DLGAP1: variants seen among roughly 807,000 people sequenced by gnomAD.
The protein encoded by DLGAP1 is disks large-associated protein 1.
Under a neutral mutation model 90.8 loss-of-function variants are expected in DLGAP1, and 11 were observed. The ratio of observed to expected loss-of-function variants is 0.12; its 90% CI spans 0.08 to 0.20. DLGAP1 has a LOEUF of 0.20. Among genes scored for constraint, DLGAP1 ranks in the 10% least tolerant of loss-of-function variants. The pLI is 1.00. For missense variants in DLGAP1, 1,050 were observed against 1,333.8 expected, an observed-to-expected ratio of 0.79 and a Z score of 3.31; for synonymous variants, 558 against 540.7, an observed-to-expected ratio of 1.03 and a Z score of -0.44.
intron 1 of DLGAP1, among the ~76,000 whole-genome samples, chr18:4,262,418 A>T (rs2079021041): frequency 6.6e-6 from 1 of 152,222 alleles, no homozygotes; most frequent in African/African-American, 2.4e-5. Flanking sequence ...AGGAGAAGAC[A>T]CTGAACCCTT....
At chr18:3,580,648 G>A (rs1451602958) in intron 8 of DLGAP1, 1 of 1,605,424 alleles carries the variant, frequency 6.2e-7, no homozygotes, top group East Asian at 2.2e-5. Context: ...CTGACCCAGA[G>A]GCGAGGAGAT....
At chr18:4,399,208 G>A (rs1467109397) in intron 1 of DLGAP1, among the ~76,000 whole-genome samples, 1 of 152,174 alleles carries the variant, frequency 6.6e-6, no homozygotes, top group Non-Finnish European at 1.5e-5. Context: ...ATGTCAAGTT[G>A]TTAAAAAGAA....
At chr18:4,157,134 A>T (rs1053285716) in intron 1 of DLGAP1, among the ~76,000 whole-genome samples, 3 of 152,092 alleles carry the variant, frequency 2.0e-5, no homozygotes, top group African/African-American at 7.2e-5. Flanking sequence ...CACCAAGATC[A>T]GAGGTGGGAC....
intron 3 of DLGAP1, among the ~76,000 whole-genome samples, chr18:4,000,948 T>C (rs571706700): frequency 6.6e-6 from 1 of 152,336 alleles, no homozygotes; most frequent in East Asian, 1.9e-4. Flanking sequence ...CAAGTGTATT[T>C]TTATGTCAGA....
At chr18:3,905,003 T>C (rs1235896312) in intron 3 of DLGAP1, among the ~76,000 whole-genome samples, 1 of 151,310 alleles carries the variant, frequency 6.6e-6, no homozygotes, top group African/African-American at 2.4e-5. Flanking sequence ...TATTATTATT[T>C]TAATATCTAT....
At chr18:4,057,353 A>G (rs998429737) in intron 2 of DLGAP1, among the ~76,000 whole-genome samples, 1 of 152,142 alleles carries the variant, frequency 6.6e-6, no homozygotes, top group African/African-American at 2.4e-5. Flanking sequence ...TTGTAGGAAC[A>G]CTTTATTGGT....
chr18:4,390,166 GA>G (rs5822813), intron 1 of DLGAP1, among the ~76,000 whole-genome samples: 33 of 147,238 alleles, frequency 2.2e-4, no homozygotes, highest in African/African-American at 7.0e-4. Flanking sequence ...CAAATTGTGT[GA>G]AAAAAAAAAA....
At chr18:4,176,845 A>G (rs2077116787) in intron 1 of DLGAP1, among the ~76,000 whole-genome samples, 1 of 152,210 alleles carries the variant, frequency 6.6e-6, no homozygotes, top group East Asian at 1.9e-4. Context: ...GAAGTTTATC[A>G]TGGTAAATGA....
At chr18:4,015,443 C>T (rs1030975990) in intron 2 of DLGAP1, among the ~76,000 whole-genome samples, 10 of 152,166 alleles carry the variant, frequency 6.6e-5, no homozygotes, top group Non-Finnish European at 1.5e-4. Flanking sequence ...GGTATCCTTA[C>T]TCTGGAAATT....
At chr18:3,883,365 A>T (rs2071230330) in intron 3 of DLGAP1, among the ~76,000 whole-genome samples, 1 of 152,238 alleles carries the variant, frequency 6.6e-6, no homozygotes, top group Non-Finnish European at 1.5e-5. Flanking sequence ...TGCATCTGGG[A>T]GCGCTCATGA....
At chr18:4,385,053 A>AACAAT (rs377072008) in intron 1 of DLGAP1, among the ~76,000 whole-genome samples, 18 of 152,226 alleles carry the variant, frequency 1.2e-4, no homozygotes, top group Admixed American at 1.3e-4. Context: ...CACTTTAAAA[A>AACAAT]ACAATACAAT....
intron 4 of DLGAP1, among the ~76,000 whole-genome samples, chr18:3,828,339 C>T (rs1380843850): frequency 6.6e-6 from 1 of 152,182 alleles, no homozygotes; most frequent in Non-Finnish European, 1.5e-5. Flanking sequence ...GTGTTCAAAA[C>T]ATTTTTAAAA....
intron 10 of DLGAP1, among the ~76,000 whole-genome samples, chr18:3,522,895 T>G (rs989426061): frequency 6.6e-6 from 1 of 152,094 alleles, no homozygotes; most frequent in African/African-American, 2.4e-5. Flanking sequence ...GGGAAAAGGA[T>G]AGCCTAAGTG....
At chr18:4,200,098 T>G (rs149158638) in intron 1 of DLGAP1, among the ~76,000 whole-genome samples, 1 of 152,296 alleles carries the variant, frequency 6.6e-6, no homozygotes, top group African/African-American at 2.4e-5. Context: ...ACAATTGGAT[T>G]CCAAGTATTT....
At chr18:3,708,769 G>C (rs1598416830) in intron 7 of DLGAP1, among the ~76,000 whole-genome samples, 1 of 152,222 alleles carries the variant, frequency 6.6e-6, no homozygotes, top group Non-Finnish European at 1.5e-5. Context: ...AAAATAAATT[G>C]TAAGAGCGTA....
chr18:4,358,309 T>C (rs1371636614), intron 1 of DLGAP1, among the ~76,000 whole-genome samples: 1 of 152,222 alleles, frequency 6.6e-6, no homozygotes, highest in Non-Finnish European at 1.5e-5. Flanking sequence ...TGGGTGATCA[T>C]GTTATTACGC....
chr18:4,200,557 C>T (rs1398933906), intron 1 of DLGAP1, among the ~76,000 whole-genome samples: 1 of 150,882 alleles, frequency 6.6e-6, no homozygotes, highest in African/African-American at 2.4e-5. Context: ...AATATTTATA[C>T]CTAATATTTA....
At chr18:3,688,373 A>G (rs1052300263) in intron 7 of DLGAP1, among the ~76,000 whole-genome samples, 6 of 152,154 alleles carry the variant, frequency 3.9e-5, no homozygotes, top group Admixed American at 3.9e-4. Context: ...AGCCCTCTAA[A>G]GGGAAGCAGA....
chr18:3,801,593 G>C (rs2066295659), intron 5 of DLGAP1, among the ~76,000 whole-genome samples: 1 of 152,100 alleles, frequency 6.6e-6, no homozygotes, highest in Non-Finnish European at 1.5e-5. Context: ...GTATAACCTA[G>C]TTAATAATGA....
Sources: gnomAD v4.1 joint callset for allele counts (sites outside exome capture counted in the v4.1 genomes callset) on GRCh38, gnomAD v4.1.1 for gene constraint, MANE v1.5 for transcripts, NCBI Gene and HGNC (gene_info 2026-07-23, HGNC 2026-07-21) for gene names.